The following ABCG2 variants were observed in gnomAD, a reference collection of about 807,000 sequenced individuals.
ABCG2 encodes ATP binding cassette subfamily G member 2 (JR blood group), also known as broad substrate specificity ATP-binding cassette transporter ABCG2.
In ABCG2, 80 loss-of-function variants were observed where a neutral mutation model predicts 73.5. The ratio of observed to expected loss-of-function variants is 1.09; its 90% CI spans 0.91 to 1.31. The LOEUF is 1.31. Among genes scored for constraint, ABCG2 ranks in the 50% most tolerant of loss-of-function variants. ABCG2 has a pLI of 0.00. For missense variants in ABCG2, 796 were observed against 786.2 expected (o/e 1.01, Z -0.15); for synonymous variants, 269 against 282.4 (o/e 0.95, Z 0.48).
At chr4:88,101,004 G>A (rs1302870092) in intron 11 of ABCG2, among the ~76,000 whole-genome samples, 2 of 151,936 alleles carry the variant, frequency 1.3e-5, no homozygotes, top group Non-Finnish European at 2.9e-5. Flanking sequence ...CCCTACCTCT[G>A]GCTGCTTTTT....
intron 1 of ABCG2, among the ~76,000 whole-genome samples, chr4:88,141,489 G>C (rs1216545470): frequency 2.0e-5 from 3 of 152,150 alleles, no homozygotes; most frequent in Non-Finnish European, 1.5e-5. Flanking sequence ...AATTTTGTTG[G>C]TGTTGAGTGC....
chr4:88,208,069 C>A (rs1041741255), intron 1 of ABCG2, among the ~76,000 whole-genome samples: 1 of 152,142 alleles, frequency 6.6e-6, no homozygotes, highest in African/African-American at 2.4e-5. Flanking sequence ...AGGAATCTCT[C>A]AATAATGGTT....
At chr4:88,108,113 G>A (rs1722878946) in intron 9 of ABCG2, among the ~76,000 whole-genome samples, 1 of 151,676 alleles carries the variant, frequency 6.6e-6, no homozygotes, top group East Asian at 1.9e-4. Flanking sequence ...TTGTTTCTAG[G>A]ATAAAGGGTC....
Position 88,092,341 on chromosome 4 carries a change from G to C in ABCG2, c.1861C>G (p.Leu621Val). The C allele has an allele frequency of 3.1e-6, 5 of 1,613,426 alleles. No individual in the cohort carries two copies. Among genetic ancestry groups the C allele is most frequent in the Non-Finnish European group, 4.2e-6 (5 of 1,179,836 alleles). The change falls in exon 16 of 16, where the codon CTC (leucine) becomes GTC (valine). Residue 621 changes from leucine (L) to valine (V), a missense_variant. Physicochemically the swap from Leu to Val is conservative, Grantham distance 32. Transcript: ENST00000237612. The part of the protein sequence containing the change: ...EEYLVKQGID[L>V]SPWGLWKNHV... ...TTCTTCCACAAGCCCCAGGGTGAGA[G>C]ATCGATGCCCTGCTTTACCAAATAT...
intron 1 of ABCG2, among the ~76,000 whole-genome samples, chr4:88,140,402 ATC>A (rs1220226429): frequency 6.6e-6 from 1 of 152,166 alleles, no homozygotes; most frequent in African/African-American, 2.4e-5. Flanking sequence ...CATCATCAGA[ATC>A]TCTGTATTTT....
chr4:88,195,741 T>G (rs1391867504), intron 1 of ABCG2, among the ~76,000 whole-genome samples: 1 of 152,218 alleles, frequency 6.6e-6, no homozygotes, highest in Non-Finnish European at 1.5e-5. Flanking sequence ...CGGGGTCTTA[T>G]GTCCCTTCTC....
rs112989933 is a variant in ABCG2, at chr4:88,123,754, C to A, written c.532-1962G>T. Among the ~76,000 whole-genome samples, 674 of 152,118 alleles carry A rather than the reference C, an allele frequency of 4.4e-3. 5 individuals are homozygous for A. Among genetic ancestry groups the A allele is most frequent in the African/African-American group, 0.016 (646 of 41,498 alleles). On this transcript the variant is annotated intron_variant, in intron 5 of 15. Coordinates refer to ENST00000237612, the MANE Select transcript of ABCG2 (RefSeq NM_004827.3). ...TGGAAAACATTCTTCAGGATATTATCCAGAAGAACTTCCCCAACCTAGCAA... is the reference window on the plus strand; with the variant it reads ...TGGAAAACATTCTTCAGGATATTATACAGAAGAACTTCCCCAACCTAGCAA...
intron 5 of ABCG2, among the ~76,000 whole-genome samples, chr4:88,125,639 G>A (rs896794654): frequency 1.1e-4 from 12 of 107,182 alleles, no homozygotes; most frequent in African/African-American, 2.5e-4. Context: ...AAAAAAAACT[G>A]TAGAACTACA....
chr4:88,208,793 CCTAA>C (rs372297861), intron 1 of ABCG2, among the ~76,000 whole-genome samples: 9 of 152,294 alleles, frequency 5.9e-5, no homozygotes, highest in African/African-American at 2.2e-4. Context: ...ATATGGCCAA[CCTAA>C]CTTATTTCAA....
At chr4:88,212,024 G>A (rs1729620257) in intron 1 of ABCG2, among the ~76,000 whole-genome samples, 1 of 152,216 alleles carries the variant, frequency 6.6e-6, no homozygotes, top group Non-Finnish European at 1.5e-5. Flanking sequence ...AGGAGAAGGT[G>A]TGAGTCTATG....
chr4:88,120,959 C>T (rs1251932294), intron 6 of ABCG2, among the ~76,000 whole-genome samples: 2 of 152,118 alleles, frequency 1.3e-5, no homozygotes, highest in Admixed American at 6.6e-5. Flanking sequence ...TAACAATACA[C>T]AGGTGGAAGA....
At chr4:88,204,365 G>T (rs1458199189) in intron 1 of ABCG2, among the ~76,000 whole-genome samples, 4 of 152,168 alleles carry the variant, frequency 2.6e-5, no homozygotes, top group African/African-American at 9.7e-5. Context: ...AGGTTGCAGT[G>T]AGCCGAGATC....
chr4:88,200,723 A>G (rs1729125342), intron 1 of ABCG2, among the ~76,000 whole-genome samples: 1 of 151,526 alleles, frequency 6.6e-6, no homozygotes, highest in African/African-American at 2.4e-5. Context: ...CATGTTAGCC[A>G]GGGTGGTCTC....
At position 88,121,744 on chromosome 4, in the gene ABCG2, TC is replaced by T. The variant is rs1432365394; in HGVS notation, c.579del (p.Thr194LeufsTer3). ...GTGATAAGCTCCATTCCTATACTAG[TC>T]CTTTTTCTTTCTCCTCCAGACACAC... The part of the protein sequence containing the change: ...IRGVSGGERK[R>X]TSIGMELITD... On this transcript the variant is annotated frameshift_variant, in exon 6 of 16. Coordinates refer to ENST00000237612, the MANE Select transcript of ABCG2 (RefSeq NM_004827.3). LOFTEE classifies it high-confidence loss of function. The T allele has an allele frequency of 6.2e-7, 1 of 1,614,040 alleles. No individual in the cohort carries two copies. Among genetic ancestry groups the T allele is most frequent in the Non-Finnish European group, 8.5e-7 (1 of 1,179,936 alleles).
chr4:88,163,825 C>A, upstream of ABCG2: 3 of 264,910 alleles, frequency 1.1e-5, no homozygotes, highest in South Asian at 4.4e-5. Flanking sequence ...TGTTCCATAC[C>A]GCATCTGTGT....
intron 2 of ABCG2, among the ~76,000 whole-genome samples, chr4:88,139,352 C>T (rs975414717): frequency 6.6e-5 from 10 of 152,186 alleles, no homozygotes; most frequent in African/African-American, 2.2e-4. Context: ...ATCCCAGATT[C>T]AAGCCATACT....
Position 88,107,338 on chromosome 4 carries a change from A to G in ABCG2, c.1195-72T>C, listed in dbSNP as rs190738974. ...AGATAAAAACTTATACACACCATTT[A>G]TTAGTATAATATATGGTTACATAAT... On this transcript the variant is annotated intron_variant, in intron 9 of 15. Coordinates refer to ENST00000237612, the MANE Select transcript of ABCG2 (RefSeq NM_004827.3). 5.9e-6 allele frequency: 6 copies of G among 1,008,626 alleles called. No homozygotes were observed. In the East Asian group the frequency reaches 1.5e-4, roughly 26 times the overall value. 62.5% of individuals were successfully genotyped at this position (1,008,626 alleles called of 1,614,324 possible). A position where few individuals can be genotyped will look rare whatever the true frequency, so the allele number is the denominator to read the frequency against.
At chr4:88,195,302 C>T (rs1005871310) in intron 1 of ABCG2, among the ~76,000 whole-genome samples, 1 of 152,046 alleles carries the variant, frequency 6.6e-6, no homozygotes, top group Non-Finnish European at 1.5e-5. Context: ...ATTAACTGGC[C>T]AAAGCTAAAA....
At chr4:88,163,893 G>C (rs527353621), upstream of ABCG2, 1 of 165,116 alleles carries the variant, frequency 6.1e-6, no homozygotes, top group Admixed American at 6.4e-5. Flanking sequence ...TCTATATTTT[G>C]TTACATTCCT....
Sources: allele counts gnomAD v4.1 joint callset (sites outside exome capture counted in the v4.1 genomes callset), GRCh38; gene constraint gnomAD v4.1.1; transcripts MANE v1.5; gene names NCBI Gene and HGNC (gene_info 2026-07-23, HGNC 2026-07-21).